PHYKPL: variants seen among roughly 807,000 people sequenced by gnomAD.
PHYKPL encodes the protein 5-phosphohydroxy-L-lysine phospho-lyase, also known as 5-phosphonooxy-L-lysine phospho-lyase.
Under a neutral mutation model 51.3 loss-of-function variants are expected in PHYKPL, and 42 were observed. The observed-to-expected ratio is 0.82, with a 90% CI of 0.64 to 1.06. The LOEUF is 1.06. PHYKPL is among the 50% of genes least tolerant of loss of function. The pLI, the probability that PHYKPL is intolerant of heterozygous loss-of-function variation, is 0.00. For synonymous variants in PHYKPL, 264 were observed against 236.0 expected (o/e 1.12, Z -1.09); for missense variants, 655 against 586.6 (o/e 1.12, Z -1.20).
intron 9 of PHYKPL, 42 bp downstream of exon 9, chr5:178,215,234 G>T: frequency 6.2e-7 from 1 of 1,613,258 alleles, no homozygotes; most frequent in Non-Finnish European, 8.5e-7. Context: ...ACCACACTGG[G>T]CCTTGGCAGG....
chr5:178,227,478 A>G (rs958072336), intron 3 of PHYKPL, among the ~76,000 whole-genome samples: 1 of 152,150 alleles, frequency 6.6e-6, no homozygotes, highest in Non-Finnish European at 1.5e-5. Context: ...TCATGTACTG[A>G]GTCTTGAGGG....
chr5:178,230,986 C>T, intron 2 of PHYKPL: 1 of 163,004 alleles, frequency 6.1e-6, no homozygotes, highest in Non-Finnish European at 1.3e-5. Flanking sequence ...CTCAGACTCC[C>T]TTTCTTTCCA....
intron 12 of PHYKPL, chr5:178,211,498 C>T (rs1758403848): frequency 1.0e-5 from 2 of 193,844 alleles, no homozygotes; most frequent in Admixed American, 1.1e-4. Flanking sequence ...AGGGCAGTGC[C>T]AGGGCCGTCT....
intron 12 of PHYKPL, chr5:178,209,406 A>G (rs759367026): frequency 2.5e-6 from 4 of 1,613,888 alleles, no homozygotes; most frequent in Non-Finnish European, 3.4e-6. Flanking sequence ...GGAAACCGCA[A>G]CCGAGGGAAC....
chr5:178,214,193 G>A lies in PHYKPL; in HGVS notation c.1172+603C>T, dbSNP rs574385462. Among the ~76,000 whole-genome samples the A allele has an allele frequency of 9.1e-4, 138 of 152,302 alleles. 1 individual carries two copies. The Middle Eastern group carries it at 0.01, about 11-fold the overall frequency. ...CTTTCCATGGTGGGCGTGGGGGAAGGGGTAGGCCTGGGGAATGGAGATAAA... is the reference window on the plus strand; with the variant it reads ...CTTTCCATGGTGGGCGTGGGGGAAGAGGTAGGCCTGGGGAATGGAGATAAA... On this transcript the variant is annotated intron_variant, in intron 10 of 12. Transcript: ENST00000308158.
chr5:178,223,498 T>G, intron 6 of PHYKPL: 1 of 456,222 alleles, frequency 2.2e-6, no homozygotes, highest in Non-Finnish European at 4.4e-6. Context: ...ATGGCAATGA[T>G]TTCCCAACCA....
chr5:178,217,761 G>A (rs993186457), intron 8 of PHYKPL, among the ~76,000 whole-genome samples: 4 of 151,326 alleles, frequency 2.6e-5, no homozygotes, highest in African/African-American at 9.7e-5. Flanking sequence ...GGGAGGCTGA[G>A]GCAGGAGAAT....
intron 11 of PHYKPL, among the ~76,000 whole-genome samples, chr5:178,212,235 A>T (rs756543911): frequency 2.0e-5 from 3 of 152,106 alleles, no homozygotes; most frequent in Admixed American, 1.3e-4. Flanking sequence ...ACTCCTATTC[A>T]TCATATCCCT....
chr5:178,232,234 C>A, intron 1 of PHYKPL: 1 of 1,255,352 alleles, frequency 8.0e-7, no homozygotes, highest in African/African-American at 1.5e-5. Flanking sequence ...AGGGCGGGGC[C>A]GTCTCCTGAA....
At chr5:178,222,753 T>C (rs1406055831) in intron 7 of PHYKPL, 99 bp downstream of exon 7, 43 of 1,427,182 alleles carry the variant, frequency 3.0e-5, no homozygotes, top group Non-Finnish European at 4.1e-5. Context: ...CTCAAAATTC[T>C]GGCAGTCAGG....
At chr5:178,211,799 TA>T (rs1216182056) in intron 12 of PHYKPL, 90 bp downstream of exon 12, 40 of 887,060 alleles carry the variant, frequency 4.5e-5, no homozygotes, top group Non-Finnish European at 5.5e-5. Context: ...AAAAAAGTCT[TA>T]AAAAAAGGCT....
chr5:178,232,324 C>G (rs3749808), intron 1 of PHYKPL, 168 bp downstream of exon 1: 4 of 1,267,524 alleles, frequency 3.2e-6, no homozygotes, highest in Non-Finnish European at 4.0e-6. Flanking sequence ...CGCCGCCCGC[C>G]TCGGGCCCTA....
At chr5:178,229,082 G>A (rs2913864) in intron 3 of PHYKPL, among the ~76,000 whole-genome samples, 14,270 of 149,400 alleles carry the variant, frequency 0.096, 749 homozygotes, top group Middle Eastern at 0.2. Flanking sequence ...GACCAACCTT[G>A]ACAAGAGTTT....
At position 178,216,465 on chromosome 5, in the gene PHYKPL, C is replaced by G. The variant is rs549246398; in HGVS notation, c.928-1035G>C. 5.3e-5 allele frequency: 8 copies of G among 152,216 alleles called. No individual in the cohort carries two copies. In the East Asian group the frequency reaches 1.5e-3, roughly 29 times the overall value. The allele number at this position is 152,216 out of a possible 1,614,324, so 9.4% of individuals were successfully genotyped here. A position where few individuals can be genotyped will look rare whatever the true frequency, so the allele number is the denominator to read the frequency against. On this transcript the variant is annotated intron_variant, in intron 8 of 12. Transcript: ENST00000308158. Reference sequence around the variant, plus strand: ...TTAGAGGACCACTAAGCTAATCAAGCAGAGACTATAGTGGCCACACATGAC... The same window carrying G: ...TTAGAGGACCACTAAGCTAATCAAGGAGAGACTATAGTGGCCACACATGAC...
chr5:178,210,214 T>C lies in PHYKPL; in HGVS notation c.*32-1299A>G, dbSNP rs767229895. The C allele has an allele frequency of 2.5e-6, 4 of 1,612,968 alleles. No individual in the cohort carries two copies. The African/African-American group carries it at 5.3e-5, about 22-fold the overall frequency. ...ACCAGCAGGGCTACGGGCCTGGCTA[T>C]GGCGGCTACGACTACTCGCCCTATG... On this transcript the variant is annotated intron_variant, in intron 12 of 12. Coordinates refer to ENST00000308158, the MANE Select transcript of PHYKPL (RefSeq NM_153373.4).
chr5:178,229,214 TC>T (rs1379177715), intron 3 of PHYKPL, among the ~76,000 whole-genome samples: 4 of 151,356 alleles, frequency 2.6e-5, no homozygotes, highest in Non-Finnish European at 5.9e-5. Flanking sequence ...CAAGCGATTC[TC>T]CTGCCCCAGC....
chr5:178,213,986 C>T (rs1302160855), intron 10 of PHYKPL, among the ~76,000 whole-genome samples: 2 of 152,176 alleles, frequency 1.3e-5, no homozygotes, highest in African/African-American at 2.4e-5. Context: ...TCCTTCCATG[C>T]CACCTGACCA....
At chr5:178,223,036 A>G (rs1343129118) in intron 6 of PHYKPL, 102 bp from the exon 7 acceptor site, 1 of 1,100,638 alleles carries the variant, frequency 9.1e-7, no homozygotes. Flanking sequence ...ACAAGTCACC[A>G]TCAGTGCTGC....
At chr5:178,229,134 CCTCT>C (rs1249352230) in intron 3 of PHYKPL, among the ~76,000 whole-genome samples, 1 of 140,118 alleles carries the variant, frequency 7.1e-6, no homozygotes, top group South Asian at 2.2e-4. Flanking sequence ...TGAGATAGAG[CCTCT>C]CTCTGTCCTG....
Sources: allele counts gnomAD v4.1 joint callset (sites outside exome capture counted in the v4.1 genomes callset), GRCh38; gene constraint gnomAD v4.1.1; transcripts MANE v1.5; gene names NCBI Gene and HGNC (gene_info 2026-07-23, HGNC 2026-07-21).